Variants in GLIS3 observed in about 807,000 individuals in gnomAD.
GLIS3 encodes the protein zinc finger protein GLIS3.
In GLIS3, 53 loss-of-function variants were observed where a neutral mutation model predicts 78.6. The ratio of observed to expected loss-of-function variants is 0.67; its 90% CI spans 0.54 to 0.85. The LOEUF (loss-of-function observed/expected upper bound fraction) is 0.85. Ranked by LOEUF, GLIS3 falls within the 40% of genes least tolerant of loss-of-function variation. The pLI, the probability that GLIS3 is intolerant of heterozygous loss-of-function variation, is 0.00. For missense variants in GLIS3, 1,703 were observed against 1,231.1 expected (o/e 1.38, Z -5.74); for synonymous variants, 684 against 509.9 (o/e 1.34, Z -4.60).
At chr9:3,897,718 A>T (rs1430971852) in intron 7 of GLIS3, among the ~76,000 whole-genome samples, 1 of 152,210 alleles carries the variant, frequency 6.6e-6, no homozygotes, top group Non-Finnish European at 1.5e-5. Context: ...TCTGCATCTG[A>T]ATCAACTGAG....
At chr9:3,868,356 C>T (rs1820743234) in intron 8 of GLIS3, among the ~76,000 whole-genome samples, 3 of 147,320 alleles carry the variant, frequency 2.0e-5, no homozygotes, top group South Asian at 2.2e-4. Flanking sequence ...ACTTTGTCTT[C>T]AAAATGGAAG....
intron 4 of GLIS3, among the ~76,000 whole-genome samples, chr9:4,068,524 C>G (rs1330506404): frequency 6.6e-6 from 1 of 152,104 alleles, no homozygotes; most frequent in Non-Finnish European, 1.5e-5. Context: ...GAATTTATAT[C>G]CTTTATAGCT....
intron 2 of GLIS3, among the ~76,000 whole-genome samples, chr9:4,169,540 G>T (rs528043465): frequency 2.6e-4 from 39 of 152,276 alleles, no homozygotes; most frequent in Admixed American, 4.6e-4. Flanking sequence ...AGCACACCGG[G>T]AAAATTGGTG....
intron 4 of GLIS3, among the ~76,000 whole-genome samples, chr9:4,108,534 C>T (rs1207978864): frequency 6.6e-6 from 1 of 152,172 alleles, no homozygotes; most frequent in Non-Finnish European, 1.5e-5. Flanking sequence ...AACCCCAAAT[C>T]CATTCTCTTG....
At chr9:3,867,124 T>C (rs575348407) in intron 8 of GLIS3, among the ~76,000 whole-genome samples, 1 of 152,352 alleles carries the variant, frequency 6.6e-6, no homozygotes, top group South Asian at 2.1e-4. Context: ...AAGATAACTA[T>C]ATAGACTTAA....
At chr9:4,426,702 T>C in the GLIS3 span, among the ~76,000 whole-genome samples, 22 of 152,202 alleles carry the variant, frequency 1.4e-4, no homozygotes, top group Admixed American at 4.6e-4. Context: ...ACTAGAATGA[T>C]TGGGTTTCAG....
chr9:3,936,963 A>C lies in GLIS3; in HGVS notation c.1872+65T>G, dbSNP rs1368364291. On this transcript the variant is annotated intron_variant, in intron 5 of 10. Transcript: ENST00000381971. ...AAAGCAAACACTTCACCAGCCCACT[A>C]TCAAGCAGGCACTTCCTCACACCAG... is the stretch of plus-strand genomic sequence containing the variant. The C allele has an allele frequency of 9.4e-6, 15 of 1,589,878 alleles. No homozygotes were observed. In the South Asian group the frequency reaches 1.5e-4, roughly 16 times the overall value.
At chr9:4,266,166 C>T (rs992177982) in intron 2 of GLIS3, among the ~76,000 whole-genome samples, 7 of 151,858 alleles carry the variant, frequency 4.6e-5, no homozygotes, top group African/African-American at 1.7e-4. Flanking sequence ...GATCCGCCTG[C>T]CTCAGCCTCC....
At chr9:4,428,388 A>C in the GLIS3 span, among the ~76,000 whole-genome samples, 1 of 151,674 alleles carries the variant, frequency 6.6e-6, no homozygotes, top group Non-Finnish European at 1.5e-5. Context: ...CTGAGGCACA[A>C]AAATTGCTTG....
chr9:4,250,359 C>T (rs10758586), intron 2 of GLIS3, among the ~76,000 whole-genome samples: 121,706 of 152,018 alleles, frequency 0.8, 49,369 homozygotes, highest in East Asian at 0.98. Flanking sequence ...TGTATGTGTC[C>T]AGGAATTTAT....
At chr9:4,186,787 TA>T (rs1468058422) in intron 2 of GLIS3, among the ~76,000 whole-genome samples, 1 of 152,250 alleles carries the variant, frequency 6.6e-6, no homozygotes, top group Non-Finnish European at 1.5e-5. Context: ...TTTGGCTGCA[TA>T]AATGTCTTCT....
chr9:4,060,609 TA>T (rs1252729741), intron 4 of GLIS3, among the ~76,000 whole-genome samples: 3 of 152,106 alleles, frequency 2.0e-5, no homozygotes, highest in Admixed American at 6.6e-5. Flanking sequence ...AGACCTGAGT[TA>T]GTTCGTTCAG....
chr9:4,117,715 C>A (rs1831776021), intron 4 of GLIS3, 53 bp downstream of exon 4: 3 of 1,611,344 alleles, frequency 1.9e-6, no homozygotes, highest in East Asian at 4.5e-5. Flanking sequence ...CACACGTACG[C>A]AAAGCAAGCC....
At chr9:4,340,084 C>T (rs1817813315) in intron 2 of GLIS3, among the ~76,000 whole-genome samples, 1 of 151,700 alleles carries the variant, frequency 6.6e-6, no homozygotes, top group African/African-American at 2.4e-5. Context: ...GTCCTCACGG[C>T]TTGGCTTAGC....
At chr9:3,914,601 T>C (rs1824378248) in intron 6 of GLIS3, among the ~76,000 whole-genome samples, 1 of 152,234 alleles carries the variant, frequency 6.6e-6, no homozygotes, top group African/African-American at 2.4e-5. Context: ...ATTCACTACA[T>C]TATACTTCAT....
chr9:3,993,691 A>T (rs1820513027), intron 4 of GLIS3, among the ~76,000 whole-genome samples: 1 of 152,110 alleles, frequency 6.6e-6, no homozygotes, highest in South Asian at 2.1e-4. Context: ...CTATCATAAG[A>T]TTTTCCTCAT....
chr9:4,483,849 G>A, the GLIS3 span, among the ~76,000 whole-genome samples: 4,302 of 152,080 alleles, frequency 0.028, 197 homozygotes, highest in African/African-American at 0.098. Context: ...ATCTTTTTGT[G>A]CTTCAGTTTC....
chr9:3,991,393 G>A (rs1820221275), intron 4 of GLIS3, among the ~76,000 whole-genome samples: 1 of 152,074 alleles, frequency 6.6e-6, no homozygotes, highest in Non-Finnish European at 1.5e-5. Flanking sequence ...GAGACATTAA[G>A]TACAAGAGAC....
chr9:3,989,879 C>G (rs1820080366), intron 4 of GLIS3, among the ~76,000 whole-genome samples: 1 of 152,118 alleles, frequency 6.6e-6, no homozygotes, highest in Non-Finnish European at 1.5e-5. Context: ...CACACACACA[C>G]AAAGAGTACA....
Sources: allele counts gnomAD v4.1 joint callset (sites outside exome capture counted in the v4.1 genomes callset), GRCh38; gene constraint gnomAD v4.1.1; transcripts MANE v1.5; gene names NCBI Gene and HGNC (gene_info 2026-07-23, HGNC 2026-07-21).